The following ROBO2 variants were observed in gnomAD, a reference collection of about 807,000 sequenced individuals.
The protein encoded by ROBO2 is roundabout guidance receptor 2.
In ROBO2, 53 loss-of-function variants were observed where a neutral mutation model predicts 160.8. The ratio of observed to expected loss-of-function variants is 0.33; its 90% CI spans 0.26 to 0.41. ROBO2 has a LOEUF of 0.41. ROBO2 is among the 10% of genes least tolerant of loss of function. ROBO2 has a pLI of 1.00. For missense variants in ROBO2, 1,577 were observed against 1,722.4 expected (o/e 0.92, Z 1.49); for synonymous variants, 664 against 611.7 (o/e 1.09, Z -1.26).
intron 2 of ROBO2, among the ~76,000 whole-genome samples, chr3:76,202,851 A>G (rs2107264018): frequency 6.6e-6 from 1 of 151,324 alleles, no homozygotes; most frequent in South Asian, 2.1e-4. Flanking sequence ...TATTCTGCCC[A>G]AAAGTCTACC....
At chr3:77,573,728 A>T (rs1456643189) in intron 13 of ROBO2, among the ~76,000 whole-genome samples, 1 of 152,002 alleles carries the variant, frequency 6.6e-6, no homozygotes, top group Non-Finnish European at 1.5e-5. Flanking sequence ...CTTCTTGCCT[A>T]TCTAAGCACT....
intron 2 of ROBO2, among the ~76,000 whole-genome samples, chr3:76,634,673 G>C (rs2109530902): frequency 6.6e-6 from 1 of 152,088 alleles, no homozygotes; most frequent in Admixed American, 6.5e-5. Context: ...TCCAAACACA[G>C]TCACACTTAA....
intron 2 of ROBO2, among the ~76,000 whole-genome samples, chr3:77,136,042 G>A (rs78760218): frequency 0.038 from 5,827 of 152,234 alleles, 169 homozygotes; most frequent in East Asian, 0.092. Flanking sequence ...ACAGTACATA[G>A]AGTAGCAATA....
intron 2 of ROBO2, among the ~76,000 whole-genome samples, chr3:76,616,154 A>C (rs1421448066): frequency 3.3e-5 from 5 of 152,344 alleles, no homozygotes; most frequent in African/African-American, 1.2e-4. Flanking sequence ...TAACTTTTCA[A>C]AAGGTAATTG....
chr3:76,483,820 G>GT lies in ROBO2; in HGVS notation c.109+546222dup, dbSNP rs1436874093. Among the ~76,000 whole-genome samples the GT allele has an allele frequency of 6.6e-5, 10 of 152,102 alleles. No homozygotes were observed. The East Asian group carries it at 1.9e-3, about 29-fold the overall frequency. On this transcript the variant is annotated intron_variant, in intron 2 of 26. Transcript: ENST00000487694. The stretch of plus-strand genomic sequence containing the variant: ...TATAACTGAGAACATGCGGTATGTG[G>GT]TTTTCTGTTCCTGTGTTAGTTTACT...
chr3:77,310,293 G>A (rs115588901), intron 2 of ROBO2, among the ~76,000 whole-genome samples: 2,075 of 152,162 alleles, frequency 0.014, 42 homozygotes, highest in African/African-American at 0.039. Flanking sequence ...AAAGTTTTGG[G>A]TAAAAGTAAA....
chr3:76,129,199 T>C (rs17013853), intron 2 of ROBO2, among the ~76,000 whole-genome samples: 22,307 of 152,056 alleles, frequency 0.15, 2,810 homozygotes, highest in East Asian at 0.53. Context: ...CCAAAGCCTC[T>C]GTTTGAGTGA....
chr3:77,046,744 G>A (rs1407351193), intron 1 of ROBO2, among the ~76,000 whole-genome samples: 6 of 152,150 alleles, frequency 3.9e-5, no homozygotes, highest in Admixed American at 2.6e-4. Context: ...AAAATGACCA[G>A]CTATTTTCTG....
At chr3:76,112,716 T>C (rs1404891187) in intron 2 of ROBO2, among the ~76,000 whole-genome samples, 1 of 151,998 alleles carries the variant, frequency 6.6e-6, no homozygotes, top group Admixed American at 6.6e-5. Context: ...CAAGAGATCA[T>C]TCTCAAATGA....
chr3:76,009,107 C>CT (rs1359458860), intron 2 of ROBO2, among the ~76,000 whole-genome samples: 3 of 151,874 alleles, frequency 2.0e-5, no homozygotes, highest in Admixed American at 1.3e-4. Context: ...ATTCTTTTCT[C>CT]TTTTTTTGTT....
At chr3:76,827,160 C>A (rs2066664595) in intron 2 of ROBO2, among the ~76,000 whole-genome samples, 1 of 152,098 alleles carries the variant, frequency 6.6e-6, no homozygotes, top group East Asian at 1.9e-4. Context: ...GATAGCTGAA[C>A]AGCACCATTA....
Position 76,006,882 on chromosome 3 carries a change from C to A in ROBO2, c.109+69280C>A, listed in dbSNP as rs369515970. ...TTAATGGAAAATAAAAATCACATAC[C>A]GGTCAAGTAAGTTATAGTGGTTTTG... On this transcript the variant is annotated intron_variant, in intron 2 of 26. Coordinates refer to the ROBO2 transcript ENST00000487694. 2.6e-5 allele frequency among the ~76,000 whole-genome samples: 4 copies of A among 151,772 alleles called. No homozygotes were observed. In the East Asian group the frequency reaches 7.7e-4, roughly 29 times the overall value.
intron 1 of ROBO2, among the ~76,000 whole-genome samples, chr3:75,907,751 G>A (rs962533835): frequency 6.6e-6 from 1 of 152,102 alleles, no homozygotes; most frequent in African/African-American, 2.4e-5. Flanking sequence ...TTGGGGAAAG[G>A]GATTGATAGA....
At chr3:77,249,625 T>TC (rs2090123672) in intron 2 of ROBO2, among the ~76,000 whole-genome samples, 1 of 77,652 alleles carries the variant, frequency 1.3e-5, no homozygotes, top group Admixed American at 1.4e-4. Flanking sequence ...AGTTACAACT[T>TC]TTTTTTTATT....
At chr3:77,304,658 G>A (rs1030904860) in intron 2 of ROBO2, among the ~76,000 whole-genome samples, 1 of 152,188 alleles carries the variant, frequency 6.6e-6, no homozygotes, top group Non-Finnish European at 1.5e-5. Flanking sequence ...CGCATCTCAC[G>A]AAGGCCAATA....
chr3:77,427,456 A>AT (rs1251786965), intron 2 of ROBO2, among the ~76,000 whole-genome samples: 6 of 152,222 alleles, frequency 3.9e-5, no homozygotes, highest in Non-Finnish European at 7.3e-5. Context: ...CACGTATCTC[A>AT]TAAGTGGTAC....
chr3:77,340,453 G>T (rs989753382), intron 2 of ROBO2, among the ~76,000 whole-genome samples: 2 of 152,022 alleles, frequency 1.3e-5, no homozygotes, highest in Non-Finnish European at 2.9e-5. Context: ...TTGTTCTTTG[G>T]TGTTCTTAGG....
intron 2 of ROBO2, among the ~76,000 whole-genome samples, chr3:76,124,880 A>G (rs2070908309): frequency 6.6e-6 from 1 of 152,146 alleles, no homozygotes; most frequent in Non-Finnish European, 1.5e-5. Context: ...TACAGAGGGT[A>G]CATATGCAGA....
At chr3:76,452,329 C>T (rs1017107484) in intron 2 of ROBO2, among the ~76,000 whole-genome samples, 14 of 152,044 alleles carry the variant, frequency 9.2e-5, no homozygotes, top group African/African-American at 2.4e-4. Context: ...CCTCCCCCTT[C>T]CCCCCACACA....
Sources: allele counts gnomAD v4.1 joint callset (sites outside exome capture counted in the v4.1 genomes callset), GRCh38; gene constraint gnomAD v4.1.1; transcripts MANE v1.5; gene names NCBI Gene and HGNC (gene_info 2026-07-23, HGNC 2026-07-21).